The following SIDT1 variants were observed in gnomAD, a reference collection of about 807,000 sequenced individuals.
SIDT1 encodes the protein SID1 transmembrane family, member 1.
In SIDT1, 101 loss-of-function variants were observed where a neutral mutation model predicts 107.5. That is an observed-to-expected ratio of 0.94 (90% CI 0.80 to 1.11). The LOEUF (loss-of-function observed/expected upper bound fraction) is 1.11. Ranked by LOEUF, SIDT1 falls within the 50% of genes least tolerant of loss-of-function variation. The pLI is 0.00. For synonymous variants in SIDT1, 395 were observed against 398.2 expected (o/e 0.99, Z 0.10); for missense variants, 1,076 against 1,058.2 (o/e 1.02, Z -0.23).
chr3:113,542,281 A>AT (rs1444870822), intron 1 of SIDT1, among the ~76,000 whole-genome samples: 2 of 151,978 alleles, frequency 1.3e-5, no homozygotes, highest in African/African-American at 2.4e-5. Flanking sequence ...AGCTTCAGTA[A>AT]TTTTTTATGT....
At chr3:113,599,623 T>C (rs1247767943) in intron 10 of SIDT1, among the ~76,000 whole-genome samples, 2 of 152,226 alleles carry the variant, frequency 1.3e-5, no homozygotes, top group Non-Finnish European at 2.9e-5. Context: ...CTAAGTGGAA[T>C]ACACCAGACA....
chr3:113,616,944 T>C (rs951947488), intron 20 of SIDT1, among the ~76,000 whole-genome samples: 1 of 152,062 alleles, frequency 6.6e-6, no homozygotes, highest in African/African-American at 2.4e-5. Context: ...CACCTTGGCC[T>C]CCCAAAGTGC....
chr3:113,607,613 C>A (rs1945430251), intron 15 of SIDT1, among the ~76,000 whole-genome samples: 1 of 152,246 alleles, frequency 6.6e-6, no homozygotes, highest in Admixed American at 6.5e-5. Context: ...AGTTGGGAGT[C>A]TAGCCTCTTG....
chr3:113,611,908 GC>G (rs1383817390), intron 18 of SIDT1, among the ~76,000 whole-genome samples, 177 bp from the exon 19 acceptor site: 1 of 123,146 alleles, frequency 8.1e-6, no homozygotes, highest in East Asian at 2.3e-4. Flanking sequence ...TGGCCCAGTA[GC>G]CTTTTTTTTT....
chr3:113,551,821 AGG>A (rs200138667), intron 1 of SIDT1, among the ~76,000 whole-genome samples: 2 of 136,176 alleles, frequency 1.5e-5, no homozygotes, highest in African/African-American at 5.9e-5. Flanking sequence ...GTAAAGTTTT[AGG>A]GGTGTGTGTG....
At chr3:113,565,676 T>G (rs1235644956) in intron 1 of SIDT1, among the ~76,000 whole-genome samples, 1 of 152,204 alleles carries the variant, frequency 6.6e-6, no homozygotes, top group African/African-American at 2.4e-5. Context: ...GTGTTACTGA[T>G]ATAAAAAAGC....
intron 11 of SIDT1, 115 bp from the exon 12 acceptor site, chr3:113,602,890 T>G: frequency 9.1e-7 from 1 of 1,095,344 alleles, no homozygotes; most frequent in Non-Finnish European, 1.3e-6. Flanking sequence ...GAGAAGTTCA[T>G]TTGGATCAAC....
chr3:113,532,834 G>T lies in SIDT1; in HGVS notation c.-188G>T. The T allele has an allele frequency of 4.9e-6, 2 of 411,336 alleles. No individual in the cohort carries two copies. 25.5% of individuals were successfully genotyped at this position (411,336 alleles called of 1,614,324 possible). On this transcript the variant is annotated 5_prime_UTR_variant, in exon 1 of 25. Coordinates refer to ENST00000264852, the MANE Select transcript of SIDT1 (RefSeq NM_017699.3). ...GTGACCTCCAGTGGAGACCCCAGGC[G>T]GCAGCATCAGTATTTGATCGGCCCT...
intron 1 of SIDT1, among the ~76,000 whole-genome samples, chr3:113,562,361 C>CA (rs1373631964): frequency 6.6e-6 from 1 of 152,196 alleles, no homozygotes; most frequent in Non-Finnish European, 1.5e-5. Flanking sequence ...CAATTCTACT[C>CA]ATAGGCATAT....
At chr3:113,547,973 A>G (rs1939785199) in intron 1 of SIDT1, among the ~76,000 whole-genome samples, 1 of 152,110 alleles carries the variant, frequency 6.6e-6, no homozygotes, top group Non-Finnish European at 1.5e-5. Context: ...TGGCAAAATT[A>G]AAGTTTATCA....
intron 3 of SIDT1, among the ~76,000 whole-genome samples, chr3:113,576,385 G>A (rs1218399625): frequency 1.3e-5 from 2 of 152,160 alleles, no homozygotes; most frequent in Non-Finnish European, 1.5e-5. Flanking sequence ...AGGCAATCGG[G>A]GAGCTATTAG....
At chr3:113,614,121 C>T (rs1945940023) in intron 19 of SIDT1, among the ~76,000 whole-genome samples, 1 of 152,222 alleles carries the variant, frequency 6.6e-6, no homozygotes, top group Non-Finnish European at 1.5e-5. Context: ...GGAAAAGTCA[C>T]TCTGAAAGGA....
intron 10 of SIDT1, among the ~76,000 whole-genome samples, chr3:113,596,475 T>C (rs952242830): frequency 6.6e-6 from 1 of 152,206 alleles, no homozygotes; most frequent in African/African-American, 2.4e-5. Context: ...AAGAAGAAGA[T>C]TAGACCCTGG....
chr3:113,616,917 A>G (rs1946150336), intron 20 of SIDT1, among the ~76,000 whole-genome samples: 1 of 151,990 alleles, frequency 6.6e-6, no homozygotes, highest in African/African-American at 2.4e-5. Flanking sequence ...TGAACTCCCA[A>G]CCTCAGGTGA....
At chr3:113,627,545 G>T in intron 24 of SIDT1, 101 bp from the exon 25 acceptor site, 1 of 1,071,220 alleles carries the variant, frequency 9.3e-7, no homozygotes, top group South Asian at 1.3e-5. Context: ...GAATGAGAGG[G>T]AACTAACAGT....
intron 24 of SIDT1, among the ~76,000 whole-genome samples, 199 bp downstream of exon 24, chr3:113,626,414 C>T (rs1946853677): frequency 6.6e-6 from 1 of 152,004 alleles, no homozygotes; most frequent in Non-Finnish European, 1.5e-5. Context: ...TTTTCTTTTA[C>T]TCTTCAATAT....
At chr3:113,549,553 A>G (rs1388704220) in intron 1 of SIDT1, among the ~76,000 whole-genome samples, 2 of 152,162 alleles carry the variant, frequency 1.3e-5, no homozygotes, top group African/African-American at 4.8e-5. Flanking sequence ...TACCATCTAT[A>G]TATCTTCTCT....
At chr3:113,629,847 G>A (rs1208226994), downstream of SIDT1, among the ~76,000 whole-genome samples, 2 of 152,206 alleles carry the variant, frequency 1.3e-5, no homozygotes, top group African/African-American at 4.8e-5. Flanking sequence ...CGCACACACT[G>A]TGGTCAGTTT....
chr3:113,619,824 A>G, intron 21 of SIDT1, 98 bp downstream of exon 21: 1 of 1,152,680 alleles, frequency 8.7e-7, no homozygotes, highest in Non-Finnish European at 1.3e-6. Context: ...GAAATCTGAA[A>G]TTAAGGAGAA....
Sources: allele counts gnomAD v4.1 joint callset (sites outside exome capture counted in the v4.1 genomes callset), GRCh38; gene constraint gnomAD v4.1.1; transcripts MANE v1.5; gene names NCBI Gene and HGNC (gene_info 2026-07-23, HGNC 2026-07-21).